The following LCOR variants were observed in gnomAD, a reference collection of about 807,000 sequenced individuals.
The protein encoded by LCOR is ligand-dependent corepressor.
Under a neutral mutation model 64.4 loss-of-function variants are expected in LCOR, and 14 were observed. The ratio of observed to expected loss-of-function variants is 0.22; its 90% confidence interval spans 0.14 to 0.34. The LOEUF (loss-of-function observed/expected upper bound fraction) is 0.34, where lower values mean the gene tolerates loss of function less well. Among genes scored for constraint, LCOR ranks in the 10% least tolerant of loss-of-function variants. The pLI, the probability that LCOR is intolerant of heterozygous loss-of-function variation, is 1.00. For missense variants in LCOR, 1,686 were observed against 1,765.3 expected, an observed-to-expected ratio of 0.96 and a Z score of 0.80; for synonymous variants, 643 against 642.5, an observed-to-expected ratio of 1.00 and a Z score of -0.01.
At position 96,929,633 on chromosome 10, in the gene LCOR, C is replaced by G. The variant is rs114042265; in HGVS notation, c.-183-14480C>G. Among the ~76,000 whole-genome samples the G allele has an allele frequency of 3.9e-3, 591 of 152,318 alleles. 3 individuals are homozygous for G. Among genetic ancestry groups the G allele is most frequent in the African/African-American group, 0.014 (569 of 41,586 alleles). The stretch of plus-strand genomic sequence containing the variant: ...TTTTGTGTTCACTGGAGTAGCACAT[C>G]TAATTTTCCTTAAGAACTTTTTCCT... On this transcript the variant is annotated intron_variant, in intron 4 of 7. Coordinates refer to ENST00000421806, the MANE Select transcript of LCOR (RefSeq NM_001346516.2).
At position 96,987,491 on chromosome 10, in the gene LCOR, T is replaced by G. The variant is rs896211031; in HGVS notation, c.*2357T>G. On this transcript the variant is annotated 3_prime_UTR_variant, in exon 8 of 8. Transcript: ENST00000421806. ...TCTTTTTCATTTTTAAAAGCTCAGTTAAAGATAATAGCCTTCTTTCCCATT... is the reference window on the plus strand; with the variant it reads ...TCTTTTTCATTTTTAAAAGCTCAGTGAAAGATAATAGCCTTCTTTCCCATT... 2 of 152,234 alleles carry G rather than the reference T, an allele frequency of 1.3e-5. No homozygotes were observed. The highest frequency in any genetic ancestry group is 4.8e-5 in the African/African-American group (2 of 41,454). The allele number at this position is 152,234 out of a possible 1,614,324, so 9.4% of individuals were successfully genotyped here.
At chr10:96,934,792 G>A (rs1265157386) in intron 4 of LCOR, among the ~76,000 whole-genome samples, 2 of 152,128 alleles carry the variant, frequency 1.3e-5, no homozygotes, top group African/African-American at 2.4e-5. Context: ...AGTAGAGACA[G>A]GGTTTTGCCA....
chr10:96,851,257 A>G (rs1025536775), intron 2 of LCOR, among the ~76,000 whole-genome samples: 1 of 152,184 alleles, frequency 6.6e-6, no homozygotes, highest in African/African-American at 2.4e-5. Flanking sequence ...TCTCATCAGA[A>G]ATGTTTATGC....
At chr10:96,928,332 C>T (rs1847202480) in intron 4 of LCOR, among the ~76,000 whole-genome samples, 1 of 152,178 alleles carries the variant, frequency 6.6e-6, no homozygotes, top group South Asian at 2.1e-4. Flanking sequence ...ACAATGTTGA[C>T]AGCATCTTCA....
chr10:96,897,101 CAAAAAAA>C (rs370380714), intron 2 of LCOR, among the ~76,000 whole-genome samples: 7 of 78,864 alleles, frequency 8.9e-5, no homozygotes, highest in Non-Finnish European at 1.9e-4. Context: ...GAAAGAAAAG[CAAAAAAA>C]AAAAAAAAAC....
At chr10:96,913,107 A>G (rs1294767109) in intron 4 of LCOR, among the ~76,000 whole-genome samples, 1 of 151,496 alleles carries the variant, frequency 6.6e-6, no homozygotes, top group Non-Finnish European at 1.5e-5. Context: ...CAGTCTTAAC[A>G]TGTACTTTCC....
At chr10:96,844,910 T>C (rs1589600618) in intron 2 of LCOR, among the ~76,000 whole-genome samples, 2 of 152,060 alleles carry the variant, frequency 1.3e-5, no homozygotes, top group Middle Eastern at 6.8e-3. Context: ...AAGTGTGGGG[T>C]GGTGGTGGAG....
intron 2 of LCOR, among the ~76,000 whole-genome samples, chr10:96,849,858 C>CTTTTT (rs964263701): frequency 1.7e-5 from 2 of 115,690 alleles, no homozygotes; most frequent in Non-Finnish European, 3.5e-5. Flanking sequence ...GTGTCACTCA[C>CTTTTT]TTTTTTTTTT....
At position 96,991,144 on chromosome 10, in the gene LCOR, G is replaced by A. The variant is rs1281496743; in HGVS notation, c.*6010G>A. 6.7e-6 allele frequency: 1 copy of A among 149,554 alleles called. No individual in the cohort carries two copies. The highest frequency in any genetic ancestry group is 6.7e-5 in the Admixed American group (1 of 14,978). The allele number at this position is 149,554 out of a possible 1,614,324, so 9.3% of individuals were successfully genotyped here. On this transcript the variant is annotated 3_prime_UTR_variant, in exon 8 of 8. Transcript: ENST00000421806. Reference sequence around the variant, plus strand: ...TATAGTAGTCATTAAAGATCAAATTGTGTAGACAGGCACAACTTTTTTTTT... The same window carrying A: ...TATAGTAGTCATTAAAGATCAAATTATGTAGACAGGCACAACTTTTTTTTT...
intron 4 of LCOR, among the ~76,000 whole-genome samples, chr10:96,935,072 G>T (rs187218412): frequency 5.6e-4 from 83 of 148,318 alleles, no homozygotes; most frequent in African/African-American, 2.0e-3. Flanking sequence ...TATTATTTTA[G>T]AATTCAGCTG....
intron 7 of LCOR, chr10:96,963,266 C>T (rs950039040): frequency 9.2e-5 from 14 of 152,184 alleles, no homozygotes; most frequent in Admixed American, 7.9e-4. Flanking sequence ...CACACACACA[C>T]AAACATGCAC....
intron 4 of LCOR, among the ~76,000 whole-genome samples, chr10:96,927,746 CTTTG>C (rs1350881829): frequency 1.3e-5 from 2 of 152,130 alleles, no homozygotes; most frequent in East Asian, 1.9e-4. Flanking sequence ...ACCTTGACAT[CTTTG>C]TTTGGTCATT....
chr10:96,865,888 A>G (rs1845963286), intron 2 of LCOR, among the ~76,000 whole-genome samples: 1 of 151,760 alleles, frequency 6.6e-6, no homozygotes, highest in African/African-American at 2.4e-5. Context: ...AAAAAAAAAA[A>G]AAAAAGGAAA....
At chr10:96,832,703 C>CCCCGCTCCCGCCCCTGCT (rs1564594968) in intron 1 of LCOR, among the ~76,000 whole-genome samples, 4 of 150,910 alleles carry the variant, frequency 2.7e-5, no homozygotes, top group Non-Finnish European at 5.9e-5. Flanking sequence ...TCCCCTCCCT[C>CCCCGCTCCCGCCCCTGCT]CCCGCTCCCG....
At chr10:96,866,425 T>C (rs1190674535) in intron 2 of LCOR, among the ~76,000 whole-genome samples, 1 of 152,222 alleles carries the variant, frequency 6.6e-6, no homozygotes, top group Non-Finnish European at 1.5e-5. Flanking sequence ...GCATTTCGGT[T>C]GTTTGGGGGC....
intron 2 of LCOR, among the ~76,000 whole-genome samples, chr10:96,874,668 G>A (rs556010505): frequency 3.3e-5 from 5 of 150,116 alleles, no homozygotes; most frequent in East Asian, 2.0e-4. Flanking sequence ...ACAGAGTTTC[G>A]CTCTTGTTGC....
chr10:96,856,094 G>A (rs1019599710), intron 2 of LCOR, among the ~76,000 whole-genome samples: 5 of 150,426 alleles, frequency 3.3e-5, no homozygotes, highest in East Asian at 1.9e-4. Flanking sequence ...TTTTTGAGAC[G>A]GAGTCTCGCT....
At chr10:96,925,485 ATATTAAATAAGTGATAAAT>A (rs1847153186) in intron 4 of LCOR, among the ~76,000 whole-genome samples, 2 of 152,222 alleles carry the variant, frequency 1.3e-5, no homozygotes, top group African/African-American at 2.4e-5. Flanking sequence ...TAAGTTCATA[ATATTAAATAAGTGATAAAT>A]TATTAAATAA....
At chr10:96,933,335 G>A (rs1589665209) in intron 4 of LCOR, among the ~76,000 whole-genome samples, 1 of 152,148 alleles carries the variant, frequency 6.6e-6, no homozygotes, top group East Asian at 1.9e-4. Flanking sequence ...CATAAACCTT[G>A]TAGGATTTCT....
Sources: allele counts gnomAD v4.1 joint callset (sites outside exome capture counted in the v4.1 genomes callset), GRCh38; gene constraint gnomAD v4.1.1; transcripts MANE v1.5; gene names NCBI Gene and HGNC (gene_info 2026-07-23, HGNC 2026-07-21).